PCDHGA7: variants seen among roughly 807,000 people sequenced by gnomAD.
PCDHGA7 encodes protocadherin gamma subfamily A, 7, also known as protocadherin gamma-A7.
Under a neutral mutation model 58.3 loss-of-function variants are expected in PCDHGA7, and 44 were observed. That is an observed-to-expected ratio of 0.75 (90% confidence interval 0.59 to 0.97). PCDHGA7 has a LOEUF of 0.97. Among genes scored for constraint, PCDHGA7 ranks in the 50% least tolerant of loss-of-function variants. The pLI, the probability that PCDHGA7 is intolerant of heterozygous loss-of-function variation, is 0.00. For synonymous variants in PCDHGA7, 516 were observed against 504.2 expected, an observed-to-expected ratio of 1.02 and a Z score of -0.31; for missense variants, 1,266 against 1,188.7, an observed-to-expected ratio of 1.06 and a Z score of -0.96.
intron 1 of PCDHGA7, chr5:141,393,690 C>A (rs779487285): frequency 6.2e-7 from 1 of 1,613,752 alleles, no homozygotes; most frequent in African/African-American, 1.3e-5. Flanking sequence ...TCCGTTATTC[C>A]AGCTTAATGA....
intron 1 of PCDHGA7, chr5:141,413,176 A>T: frequency 6.2e-7 from 1 of 1,601,892 alleles, no homozygotes; most frequent in Non-Finnish European, 8.5e-7. Context: ...CCAGACTACA[A>T]TGGCCGCTCA....
At chr5:141,405,476 G>A (rs1214119236) in intron 1 of PCDHGA7, 1 of 1,048,044 alleles carries the variant, frequency 9.5e-7, no homozygotes, top group Non-Finnish European at 1.4e-6. Flanking sequence ...CTGGAATGCA[G>A]TGGTGTGATC....
At chr5:141,410,619 C>T (rs757187051) in intron 1 of PCDHGA7, 8 of 1,603,614 alleles carry the variant, frequency 5.0e-6, no homozygotes, top group Admixed American at 3.3e-5. Flanking sequence ...ACTCTGACTT[C>T]GGTGAGTTTC....
At chr5:141,415,982 T>G in intron 1 of PCDHGA7, 1 of 342,492 alleles carries the variant, frequency 2.9e-6, no homozygotes, top group Non-Finnish European at 4.9e-6. Flanking sequence ...AGCAACCCTC[T>G]TGTTCTGAAG....
At chr5:141,392,896 G>C in intron 1 of PCDHGA7, 2 of 1,613,812 alleles carry the variant, frequency 1.2e-6, no homozygotes, top group South Asian at 1.1e-5. Flanking sequence ...GAAATCGGGA[G>C]GGGACAGATT....
intron 1 of PCDHGA7, chr5:141,388,688 C>T: frequency 6.2e-7 from 1 of 1,613,970 alleles, no homozygotes; most frequent in Non-Finnish European, 8.5e-7. Context: ...CTGCCACGGA[C>T]CAGGATGAGG....
intron 1 of PCDHGA7, chr5:141,419,487 G>T: frequency 6.2e-7 from 1 of 1,612,378 alleles, no homozygotes. Context: ...CCCGCGCTCA[G>T]CGCCAATGTG....
intron 1 of PCDHGA7, chr5:141,412,854 A>T (rs1356959630): frequency 4.5e-6 from 1 of 223,412 alleles, no homozygotes; most frequent in African/African-American, 2.3e-5. Context: ...GAGAAACCAA[A>T]GAATCTATGT....
At position 141,490,745 on chromosome 5, in the gene PCDHGA7, C is replaced by A. The variant is rs769031787; in HGVS notation, c.2425-4062C>A. 1 of 1,614,238 alleles carries A rather than the reference C, an allele frequency of 6.2e-7. No homozygotes were observed. Among genetic ancestry groups the A allele is most frequent in the Non-Finnish European group, 8.5e-7 (1 of 1,180,042 alleles). ...GTAGGAAATCAGGTTCAGGGAGCCCCAGCCTCCTCCTTTGTGTATGTCAAC... is the reference window on the plus strand; with the variant it reads ...GTAGGAAATCAGGTTCAGGGAGCCCAAGCCTCCTCCTTTGTGTATGTCAAC... On this transcript the variant is annotated intron_variant, in intron 1 of 3. Transcript: ENST00000518325. The surrounding 1 kb of genome is among the most constrained non-coding windows in gnomAD (Gnocchi z 5.4).
chr5:141,409,369 C>T, intron 1 of PCDHGA7: 1 of 1,613,986 alleles, frequency 6.2e-7, no homozygotes, highest in Non-Finnish European at 8.5e-7. Flanking sequence ...TAGAAACAGA[C>T]ATTCCATTCA....
intron 1 of PCDHGA7, chr5:141,393,707 T>A: frequency 6.2e-7 from 1 of 1,613,882 alleles, no homozygotes; most frequent in African/African-American, 1.3e-5. Flanking sequence ...ATGAAAATAC[T>A]GGGGAAATAT....
chr5:141,497,492 C>G (rs954582026), intron 2 of PCDHGA7, among the ~76,000 whole-genome samples: 1 of 151,628 alleles, frequency 6.6e-6, no homozygotes, highest in Non-Finnish European at 1.5e-5. Flanking sequence ...ACCTCTCTCT[C>G]TCTCCTCTCT....
rs77976889 is a variant in PCDHGA7, at chr5:141,493,704, G to C, written c.2425-1103G>C. On this transcript the variant is annotated intron_variant, in intron 1 of 3. Transcript: ENST00000518325. This position sits in a 1 kb window ranked among gnomAD's most constrained non-coding sequence, Gnocchi z 4.3. ...GTGCTGGTGACTCCCGATACACCTG[G>C]AATGCTAGGTTTCTGGGTTCTGCTC... Among the ~76,000 whole-genome samples the C allele has an allele frequency of 1.7e-3, 258 of 152,278 alleles. 2 individuals are homozygous for C. The highest frequency in any genetic ancestry group is 5.7e-3 in the African/African-American group (237 of 41,540).
intron 1 of PCDHGA7, among the ~76,000 whole-genome samples, chr5:141,460,682 T>A (rs957470916): frequency 3.3e-5 from 5 of 152,134 alleles, no homozygotes; most frequent in African/African-American, 1.2e-4. Flanking sequence ...TATATCTATA[T>A]ATCCACCAAC....
intron 1 of PCDHGA7, chr5:141,420,388 A>G (rs986892784): frequency 3.1e-6 from 4 of 1,282,144 alleles, no homozygotes; most frequent in Non-Finnish European, 4.1e-6. Context: ...TTCGCAAAAT[A>G]TAGGTCAAAT....
Position 141,477,598 on chromosome 5 carries a change from C to A in PCDHGA7, c.2425-17209C>A. The A allele has an allele frequency of 6.2e-7, 1 of 1,614,180 alleles. No homozygotes were observed. The highest frequency in any genetic ancestry group is 8.5e-7 in the Non-Finnish European group (1 of 1,180,030). ...CCCCGCAGAATGCTCGGCTTTCTTT[C>A]TTTCTCTTGGAGCAAGGAGCTGAAA... On this transcript the variant is annotated intron_variant, in intron 1 of 3. Transcript: ENST00000518325. This position sits in a 1 kb window ranked among gnomAD's most constrained non-coding sequence, Gnocchi z 4.9.
In PCDHGA7 at chr5:141,383,999, C is replaced by A; in HGVS notation, c.1100C>A (p.Ala367Asp). The part of the protein sequence containing the change: ...PEDTPLGTVI[A>D]LFYLQDRDSG... ...GACACACCTCTTGGGACAGTCATTG[C>A]TCTTTTCTACCTACAAGACAGAGAT... Residue 367 changes from alanine to aspartate, a missense_variant, in exon 1 of 4, where the codon GCT (alanine) becomes GAT (aspartate). Coordinates refer to ENST00000518325, the MANE Select transcript of PCDHGA7 (RefSeq NM_018920.4). The A allele has an allele frequency of 1.2e-6, 2 of 1,613,800 alleles. No individual in the cohort carries two copies. Among genetic ancestry groups the A allele is most frequent in the Non-Finnish European group, 1.7e-6 (2 of 1,179,816 alleles).
intron 1 of PCDHGA7, chr5:141,390,447 G>A: frequency 1.2e-6 from 1 of 843,848 alleles, no homozygotes; most frequent in Non-Finnish European, 1.8e-6. Flanking sequence ...TACAAAGGAG[G>A]AGTAAAGTAG....
At position 141,477,271 on chromosome 5, in the gene PCDHGA7, G is replaced by T; in HGVS notation, c.2425-17536G>T. On this transcript the variant is annotated intron_variant, in intron 1 of 3. Transcript: ENST00000518325. The surrounding 1 kb of genome is among the most constrained non-coding windows in gnomAD (Gnocchi z 4.9). ...CTGACCTGGATGCTGGCGAGAACGG[G>T]CTGGTGACCTGCGAAGTTCCACCGG... The T allele has an allele frequency of 1.2e-6, 2 of 1,614,212 alleles. No homozygotes were observed. The highest frequency in any genetic ancestry group is 1.7e-6 in the Non-Finnish European group (2 of 1,180,044).
Sources: allele counts gnomAD v4.1 joint callset (sites outside exome capture counted in the v4.1 genomes callset), GRCh38; gene constraint gnomAD v4.1.1; non-coding constraint Gnocchi (gnomAD v3.1); transcripts MANE v1.5; gene names NCBI Gene and HGNC (gene_info 2026-07-23, HGNC 2026-07-21).